The following ATF2 variants were observed in gnomAD, a reference collection of about 807,000 sequenced individuals.
ATF2 encodes cyclic AMP-dependent transcription factor ATF-2.
Under a neutral mutation model 60.6 loss-of-function variants are expected in ATF2, and 24 were observed. The ratio of observed to expected loss-of-function variants is 0.40; its 90% confidence interval spans 0.29 to 0.56. The LOEUF is 0.56. ATF2 is among the 20% of genes least tolerant of loss of function. The pLI, the probability that ATF2 is intolerant of heterozygous loss-of-function variation, is 0.54. For synonymous variants in ATF2, 206 were observed against 215.4 expected (o/e 0.96, Z 0.38); for missense variants, 433 against 607.7 (o/e 0.71, Z 3.02).
chr2:175,092,602 C>T (rs751663203), intron 12 of ATF2: 9 of 451,962 alleles, frequency 2.0e-5, no homozygotes, highest in Middle Eastern at 3.3e-4. Context: ...GCACCTTTCA[C>T]GAGCAATATA....
intron 12 of ATF2, among the ~76,000 whole-genome samples, chr2:175,082,567 C>T (rs1693836494): frequency 6.6e-6 from 1 of 152,118 alleles, no homozygotes. Context: ...AGGAAATGGG[C>T]TGGATATTTA....
intron 12 of ATF2, among the ~76,000 whole-genome samples, chr2:175,082,544 T>C (rs1433869584): frequency 6.6e-6 from 1 of 152,164 alleles, no homozygotes; most frequent in Non-Finnish European, 1.5e-5. Context: ...TTTCTCTCAT[T>C]AAATCCTGTA....
chr2:175,164,925 GCT>G (rs1700254026), intron 1 of ATF2, among the ~76,000 whole-genome samples: 1 of 152,178 alleles, frequency 6.6e-6, no homozygotes, highest in Middle Eastern at 3.2e-3. Flanking sequence ...GGCACGATCG[GCT>G]CTCACTGCAG....
chr2:175,164,278 A>C (rs1332174070), intron 1 of ATF2, among the ~76,000 whole-genome samples: 1 of 152,026 alleles, frequency 6.6e-6, no homozygotes, highest in Admixed American at 6.5e-5. Context: ...TCACGCCTGT[A>C]ATCCCAACAC....
intron 5 of ATF2, 103 bp from the exon 6 acceptor site, chr2:175,118,472 T>C: frequency 2.1e-6 from 2 of 960,840 alleles, no homozygotes; most frequent in South Asian, 3.3e-5. Context: ...CAGTCAGTTG[T>C]TAATTCTCTC....
chr2:175,142,378 AG>A (rs1191216434), intron 2 of ATF2, among the ~76,000 whole-genome samples: 12 of 152,108 alleles, frequency 7.9e-5, no homozygotes, highest in Admixed American at 4.6e-4. Context: ...CATGTTGGCC[AG>A]GCTGGTCTTG....
chr2:175,079,189 T>C (rs576617181), intron 13 of ATF2, among the ~76,000 whole-genome samples: 42 of 152,266 alleles, frequency 2.8e-4, no homozygotes, highest in African/African-American at 9.1e-4. Flanking sequence ...GCCTGGATAA[T>C]AGAGTCAAAA....
chr2:175,125,404 G>A (rs1161536087), intron 4 of ATF2, among the ~76,000 whole-genome samples: 1 of 151,982 alleles, frequency 6.6e-6, no homozygotes, highest in Non-Finnish European at 1.5e-5. Flanking sequence ...GTATCTTAGG[G>A]TACGAACACA....
At chr2:175,146,016 C>T (rs1409453865) in intron 2 of ATF2, among the ~76,000 whole-genome samples, 6 of 152,008 alleles carry the variant, frequency 3.9e-5, no homozygotes, top group African/African-American at 1.5e-4. Flanking sequence ...GCAAACATCA[C>T]CTTAATCAAG....
At chr2:175,112,427 A>C (rs1176004184) in intron 9 of ATF2, among the ~76,000 whole-genome samples, 1 of 152,184 alleles carries the variant, frequency 6.6e-6, no homozygotes, top group Non-Finnish European at 1.5e-5. Context: ...AAATTACGTC[A>C]ATCAATGCTA....
chr2:175,080,861 T>A, intron 12 of ATF2, 96 bp from the exon 13 acceptor site: 1 of 892,836 alleles, frequency 1.1e-6, no homozygotes. Flanking sequence ...TGGACATCAC[T>A]GGCAGAACAT....
intron 5 of ATF2, among the ~76,000 whole-genome samples, chr2:175,118,862 T>C (rs1162774955): frequency 6.6e-6 from 1 of 151,504 alleles, no homozygotes; most frequent in African/African-American, 2.4e-5. Context: ...GATAAAAATA[T>C]TGTAAGAAAG....
intron 2 of ATF2, among the ~76,000 whole-genome samples, chr2:175,146,089 A>G (rs1006191586): frequency 4.6e-5 from 7 of 152,212 alleles, no homozygotes; most frequent in South Asian, 2.1e-4. Context: ...ATAGAATGTA[A>G]TAAGAATGTA....
rs551780344 is a variant in ATF2, at chr2:175,096,749, AG to A, written c.978+694del. Among the ~76,000 whole-genome samples the A allele has an allele frequency of 6.2e-4, 94 of 152,326 alleles. 3 individuals are homozygous for A. The South Asian group carries it at 8.7e-3, about 14-fold the overall frequency. ...AAGAAGAGATCCAAAAAGATTCTTT[AG>A]AAATCTTAGTTTTGCTACTTGAAAA... On this transcript the variant is annotated intron_variant, in intron 11 of 13. Coordinates refer to ENST00000264110, the MANE Select transcript of ATF2 (RefSeq NM_001880.4).
chr2:175,099,102 CTTTT>C (rs35356799), intron 10 of ATF2, among the ~76,000 whole-genome samples: 3 of 113,570 alleles, frequency 2.6e-5, no homozygotes, highest in Admixed American at 9.3e-5. Flanking sequence ...TATTAAATTT[CTTTT>C]TTTTTTTTTT....
chr2:175,097,694 C>T, intron 10 of ATF2, 101 bp from the exon 11 acceptor site: 1 of 1,291,322 alleles, frequency 7.7e-7, no homozygotes, highest in Non-Finnish European at 1.1e-6. Flanking sequence ...TCCCTGAGTC[C>T]TTTTGCCTAG....
At chr2:175,111,486 G>A in intron 10 of ATF2, 82 bp downstream of exon 10, 2 of 1,226,956 alleles carry the variant, frequency 1.6e-6, no homozygotes, top group Non-Finnish European at 2.3e-6. Flanking sequence ...GATCTAAATT[G>A]TGCATTTGAA....
At chr2:175,102,672 G>C (rs1200308737) in intron 10 of ATF2, among the ~76,000 whole-genome samples, 1 of 152,006 alleles carries the variant, frequency 6.6e-6, no homozygotes, top group African/African-American at 2.4e-5. Context: ...AGGAGGCTGA[G>C]GCAGGAGGTT....
intron 12 of ATF2, among the ~76,000 whole-genome samples, chr2:175,087,448 C>G (rs1694247266): frequency 1.3e-5 from 2 of 152,120 alleles, no homozygotes; most frequent in African/African-American, 4.8e-5. Flanking sequence ...TACATAGCAG[C>G]AGACAAATTT....
Sources: gnomAD v4.1 joint callset for allele counts (sites outside exome capture counted in the v4.1 genomes callset) on GRCh38, gnomAD v4.1.1 for gene constraint, MANE v1.5 for transcripts, NCBI Gene and HGNC (gene_info 2026-07-23, HGNC 2026-07-21) for gene names.